Variants in GLRA3 observed in about 807,000 individuals in gnomAD.
GLRA3 encodes the protein glycine receptor alpha 3.
GLRA3 carries 44 observed loss-of-function variants against 60.4 expected under a neutral mutation model. The ratio of observed to expected loss-of-function variants is 0.73; its 90% confidence interval spans 0.57 to 0.94. The LOEUF is 0.94. Ranked by LOEUF, GLRA3 falls within the 40% of genes least tolerant of loss-of-function variation. The pLI is 0.00. For missense variants in GLRA3, 508 were observed against 564.6 expected (o/e 0.90, Z 1.02); for synonymous variants, 223 against 192.9 (o/e 1.16, Z -1.29).
intron 3 of GLRA3, among the ~76,000 whole-genome samples, chr4:174,733,811 C>T (rs937946203): frequency 1.3e-5 from 2 of 152,092 alleles, no homozygotes; most frequent in East Asian, 1.9e-4. Flanking sequence ...CTCTAGGACC[C>T]GTGAGTATAA....
At chr4:174,743,590 A>G (rs1015499838) in intron 3 of GLRA3, among the ~76,000 whole-genome samples, 2 of 152,174 alleles carry the variant, frequency 1.3e-5, no homozygotes, top group African/African-American at 2.4e-5. Context: ...CCAATAGCAC[A>G]TGATGTAGAC....
chr4:174,653,971 A>G (rs929965670), intron 9 of GLRA3, among the ~76,000 whole-genome samples: 1 of 152,086 alleles, frequency 6.6e-6, no homozygotes, highest in Non-Finnish European at 1.5e-5. Flanking sequence ...TTTTTGTCTT[A>G]TTTGAGAGGA....
At chr4:174,805,376 C>G (rs143574550) in intron 1 of GLRA3, among the ~76,000 whole-genome samples, 223 of 152,182 alleles carry the variant, frequency 1.5e-3, no homozygotes, top group Non-Finnish European at 2.4e-3. Flanking sequence ...TGCATTGTAA[C>G]TTCCATCTTG....
chr4:174,734,437 C>T (rs1736690024), intron 3 of GLRA3, among the ~76,000 whole-genome samples: 1 of 152,176 alleles, frequency 6.6e-6, no homozygotes, highest in South Asian at 2.1e-4. Flanking sequence ...GCAGTAATGG[C>T]CCATTGGGAA....
At chr4:174,662,781 G>C (rs72998786) in intron 7 of GLRA3, among the ~76,000 whole-genome samples, 33 of 149,976 alleles carry the variant, frequency 2.2e-4, no homozygotes, top group African/African-American at 7.6e-4. Flanking sequence ...GTGCTGACTT[G>C]CTGTGTTACC....
chr4:174,738,926 T>G (rs1475599156), intron 3 of GLRA3, among the ~76,000 whole-genome samples: 2 of 152,218 alleles, frequency 1.3e-5, no homozygotes, highest in Non-Finnish European at 2.9e-5. Context: ...TCTTTTATGG[T>G]GGCAGATTAT....
Position 174,642,504 on chromosome 4 carries a change from G to A in GLRA3, c.*1282C>T, listed in dbSNP as rs1320419556. 6.2e-6 allele frequency: 6 copies of A among 974,668 alleles called. No homozygotes were observed. The highest frequency in any genetic ancestry group is 6.1e-6 in the Non-Finnish European group (5 of 820,410). The allele number at this position is 974,668 out of a possible 1,614,324, so 60.4% of individuals were successfully genotyped here. On this transcript the variant is annotated 3_prime_UTR_variant, in exon 10 of 10. Coordinates refer to ENST00000274093, the MANE Select transcript of GLRA3 (RefSeq NM_006529.4). ...GTCAGAGTCTGGTTCTGTTTACCAAGAACTCTATCATACATTTGCACCCAA... is the reference window on the plus strand; with the variant it reads ...GTCAGAGTCTGGTTCTGTTTACCAAAAACTCTATCATACATTTGCACCCAA...
At chr4:174,763,702 T>G (rs1433528748) in intron 3 of GLRA3, among the ~76,000 whole-genome samples, 1 of 152,046 alleles carries the variant, frequency 6.6e-6, no homozygotes, top group Non-Finnish European at 1.5e-5. Context: ...TTCCCCTCAT[T>G]GAAATAATCA....
At chr4:174,683,412 G>A (rs1185850057) in intron 5 of GLRA3, among the ~76,000 whole-genome samples, 1 of 151,760 alleles carries the variant, frequency 6.6e-6, no homozygotes. Flanking sequence ...GTGCAGTGGT[G>A]TGATCTCAGC....
chr4:174,713,027 A>T (rs1735780330), intron 5 of GLRA3, among the ~76,000 whole-genome samples: 1 of 151,914 alleles, frequency 6.6e-6, no homozygotes, highest in Non-Finnish European at 1.5e-5. Context: ...TGTCCTAAAA[A>T]AGTTTTAAGA....
chr4:174,789,565 T>C (rs1739245728), intron 1 of GLRA3, among the ~76,000 whole-genome samples: 1 of 152,156 alleles, frequency 6.6e-6, no homozygotes, highest in Non-Finnish European at 1.5e-5. Context: ...AAATGTACCA[T>C]GTGCACCTGG....
intron 1 of GLRA3, among the ~76,000 whole-genome samples, chr4:174,819,877 A>G (rs1304807346): frequency 6.6e-6 from 1 of 152,278 alleles, no homozygotes; most frequent in African/African-American, 2.4e-5. Context: ...TTATTTGATT[A>G]ATATTTAGCA....
intron 3 of GLRA3, among the ~76,000 whole-genome samples, chr4:174,731,865 G>C (rs979856164): frequency 1.3e-5 from 2 of 152,102 alleles, no homozygotes; most frequent in African/African-American, 4.8e-5. Flanking sequence ...TTACTAGGCA[G>C]GCATTGCAAA....
At chr4:174,665,474 C>T (rs1327254418) in intron 7 of GLRA3, among the ~76,000 whole-genome samples, 3 of 152,040 alleles carry the variant, frequency 2.0e-5, no homozygotes, top group Non-Finnish European at 4.4e-5. Context: ...TGCTGGCTAG[C>T]ACCACTTGAA....
chr4:174,686,099 C>T (rs879352389), intron 5 of GLRA3, among the ~76,000 whole-genome samples: 6 of 152,128 alleles, frequency 3.9e-5, no homozygotes, highest in Non-Finnish European at 7.3e-5. Context: ...TATTCTACTT[C>T]ACTATGGTTC....
chr4:174,790,840 AAAAAAAG>A (rs1426840356), intron 1 of GLRA3, among the ~76,000 whole-genome samples: 24 of 148,234 alleles, frequency 1.6e-4, no homozygotes, highest in African/African-American at 5.7e-4. Flanking sequence ...AAAAAAAAAA[AAAAAAAG>A]AAAGAAATTA....
intron 1 of GLRA3, among the ~76,000 whole-genome samples, chr4:174,803,575 A>C (rs1365805915): frequency 2.6e-5 from 4 of 152,170 alleles, no homozygotes. Flanking sequence ...TTACCAATAC[A>C]TATTTTTCAC....
intron 1 of GLRA3, among the ~76,000 whole-genome samples, chr4:174,796,531 CCTTT>C (rs1005048446): frequency 1.3e-4 from 19 of 151,654 alleles, no homozygotes; most frequent in African/African-American, 2.7e-4. Context: ...ATAGTCTATC[CCTTT>C]CTTTCTTTCT....
At chr4:174,679,623 C>G (rs1199774187) in intron 6 of GLRA3, among the ~76,000 whole-genome samples, 1 of 152,078 alleles carries the variant, frequency 6.6e-6, no homozygotes, top group African/African-American at 2.4e-5. Flanking sequence ...AGATAAGGAA[C>G]CAACCCAAGT....
Sources: allele counts gnomAD v4.1 joint callset (sites outside exome capture counted in the v4.1 genomes callset), GRCh38; gene constraint gnomAD v4.1.1; transcripts MANE v1.5; gene names NCBI Gene and HGNC (gene_info 2026-07-23, HGNC 2026-07-21).